CNTNAP2: variants seen among roughly 807,000 people sequenced by gnomAD.
CNTNAP2 encodes contactin associated protein 2.
CNTNAP2 carries 98 observed loss-of-function variants against 155.2 expected under a neutral mutation model. The observed-to-expected ratio is 0.63, with a 90% CI of 0.54 to 0.75. CNTNAP2 has a LOEUF of 0.75. Ranked by LOEUF, CNTNAP2 falls within the 30% of genes least tolerant of loss-of-function variation. CNTNAP2 has a pLI of 0.00. For synonymous variants in CNTNAP2, 651 were observed against 631.2 expected, an observed-to-expected ratio of 1.03 and a Z score of -0.47; for missense variants, 1,727 against 1,688.1, an observed-to-expected ratio of 1.02 and a Z score of -0.40.
intron 1 of CNTNAP2, among the ~76,000 whole-genome samples, chr7:146,527,035 A>G (rs948642044): frequency 1.3e-5 from 2 of 151,826 alleles, no homozygotes; most frequent in African/African-American, 4.8e-5. Context: ...ATTACAGGCC[A>G]CCCTGCCTAG....
At chr7:146,240,410 G>T (rs1024801924) in intron 1 of CNTNAP2, among the ~76,000 whole-genome samples, 1 of 151,838 alleles carries the variant, frequency 6.6e-6, no homozygotes, top group Non-Finnish European at 1.5e-5. Context: ...TTGAAATAAA[G>T]GTTTATTGAG....
At chr7:147,465,346 A>G (rs1798102931) in intron 10 of CNTNAP2, among the ~76,000 whole-genome samples, 1 of 152,028 alleles carries the variant, frequency 6.6e-6, no homozygotes, top group African/African-American at 2.4e-5. Context: ...ATTTCATTTG[A>G]GATTTCCCAT....
intron 1 of CNTNAP2, among the ~76,000 whole-genome samples, chr7:146,526,305 C>T (rs182904308): frequency 7.2e-5 from 11 of 152,206 alleles, no homozygotes; most frequent in African/African-American, 1.7e-4. Flanking sequence ...TTCCTAAGAT[C>T]GAGTAATTTA....
At chr7:147,593,689 C>G (rs770937848) in intron 12 of CNTNAP2, among the ~76,000 whole-genome samples, 2 of 152,130 alleles carry the variant, frequency 1.3e-5, no homozygotes, top group African/African-American at 2.4e-5. Context: ...TGTCATTTAT[C>G]CTACAGGTAA....
At chr7:146,395,911 CAGAA>C (rs540389115) in intron 1 of CNTNAP2, among the ~76,000 whole-genome samples, 5 of 151,732 alleles carry the variant, frequency 3.3e-5, no homozygotes, top group Non-Finnish European at 7.4e-5. Flanking sequence ...ATGAGTATCT[CAGAA>C]AGGCAGATTT....
At chr7:147,550,947 A>T (rs771667610) in intron 11 of CNTNAP2, among the ~76,000 whole-genome samples, 1 of 152,170 alleles carries the variant, frequency 6.6e-6, no homozygotes, top group African/African-American at 2.4e-5. Flanking sequence ...GGGTAAGGAG[A>T]TAGTATCCAT....
intron 2 of CNTNAP2, among the ~76,000 whole-genome samples, chr7:146,778,924 G>A (rs1428732178): frequency 6.6e-6 from 1 of 152,296 alleles, no homozygotes; most frequent in Non-Finnish European, 1.5e-5. Context: ...TGATCTCAAC[G>A]GTTGCTATTA....
At chr7:147,624,375 C>T (rs1174948165) in intron 12 of CNTNAP2, among the ~76,000 whole-genome samples, 1 of 151,890 alleles carries the variant, frequency 6.6e-6, no homozygotes, top group Non-Finnish European at 1.5e-5. Context: ...GTGTTAATAA[C>T]CAGAATATTA....
At chr7:146,222,242 C>G (rs544505552) in intron 1 of CNTNAP2, among the ~76,000 whole-genome samples, 24 of 152,306 alleles carry the variant, frequency 1.6e-4, no homozygotes, top group African/African-American at 5.8e-4. Flanking sequence ...CCACTGCCCT[C>G]CAGATATCCA....
At chr7:146,648,975 AG>A (rs1209213024) in intron 1 of CNTNAP2, among the ~76,000 whole-genome samples, 1 of 152,110 alleles carries the variant, frequency 6.6e-6, no homozygotes, top group Non-Finnish European at 1.5e-5. Context: ...CTTGCTTTGT[AG>A]TAGACAGAAG....
At chr7:147,831,885 A>G (rs1584979552) in intron 13 of CNTNAP2, 1 of 152,196 alleles carries the variant, frequency 6.6e-6, no homozygotes, top group South Asian at 2.1e-4. Flanking sequence ...TTTGGAACAC[A>G]AAGGATAAAT....
chr7:148,058,910 G>A (rs1803075560), intron 15 of CNTNAP2, among the ~76,000 whole-genome samples: 1 of 152,042 alleles, frequency 6.6e-6, no homozygotes, highest in African/African-American at 2.4e-5. Flanking sequence ...GGCACACAGG[G>A]GGTGTCTGGG....
At chr7:147,954,342 AGTGACC>A in intron 14 of CNTNAP2, among the ~76,000 whole-genome samples, 1 of 152,224 alleles carries the variant, frequency 6.6e-6, no homozygotes, top group Non-Finnish European at 1.5e-5. Context: ...GCAGCTCACA[AGTGACC>A]TAGCATTAAA....
intron 3 of CNTNAP2, among the ~76,000 whole-genome samples, chr7:146,840,329 T>C (rs1027366324): frequency 6.6e-6 from 1 of 152,238 alleles, no homozygotes; most frequent in African/African-American, 2.4e-5. Flanking sequence ...TTGTCCATTT[T>C]ATAATAGTGT....
intron 13 of CNTNAP2, among the ~76,000 whole-genome samples, chr7:147,858,991 C>T (rs895045022): frequency 2.6e-5 from 4 of 152,160 alleles, no homozygotes; most frequent in East Asian, 3.9e-4. Flanking sequence ...CAGAACTCCT[C>T]TTATCTCTTA....
chr7:147,126,931 C>G (rs1226189483), intron 6 of CNTNAP2, among the ~76,000 whole-genome samples: 3 of 152,116 alleles, frequency 2.0e-5, no homozygotes, highest in Non-Finnish European at 2.9e-5. Context: ...GGACTTGTGC[C>G]TAGAGTTGCT....
chr7:146,647,156 C>T (rs552682955), intron 1 of CNTNAP2, among the ~76,000 whole-genome samples: 15 of 152,126 alleles, frequency 9.9e-5, no homozygotes, highest in Non-Finnish European at 2.1e-4. Flanking sequence ...CTGTTTCTAC[C>T]TCCAGAGAAG....
At chr7:148,160,597 T>A (rs938489208) in intron 17 of CNTNAP2, among the ~76,000 whole-genome samples, 1 of 152,208 alleles carries the variant, frequency 6.6e-6, no homozygotes, top group East Asian at 1.9e-4. Flanking sequence ...ATTACTCCTA[T>A]AATTTTGACT....
chr7:148,398,191 CTG>C (rs1799510126), intron 22 of CNTNAP2, among the ~76,000 whole-genome samples: 1 of 152,214 alleles, frequency 6.6e-6, no homozygotes, highest in Non-Finnish European at 1.5e-5. Flanking sequence ...GGTCAGCTGT[CTG>C]TGGTCTGGGT....
Sources: gnomAD v4.1 joint callset for allele counts (sites outside exome capture counted in the v4.1 genomes callset) on GRCh38, gnomAD v4.1.1 for gene constraint, MANE v1.5 for transcripts, NCBI Gene and HGNC (gene_info 2026-07-23, HGNC 2026-07-21) for gene names.